Variants in MAST4 observed in about 807,000 individuals in gnomAD.
MAST4 encodes microtubule associated serine/threonine kinase family member 4.
MAST4 carries 89 observed loss-of-function variants against 162.7 expected under a neutral mutation model. The ratio of observed to expected loss-of-function variants is 0.55; its 90% CI spans 0.46 to 0.65. The LOEUF is 0.65. Among genes scored for constraint, MAST4 ranks in the 30% least tolerant of loss-of-function variants. MAST4 has a pLI of 0.00. For missense variants in MAST4, 3,153 were observed against 3,374.0 expected (o/e 0.93, Z 1.62); for synonymous variants, 1,479 against 1,361.1 (o/e 1.09, Z -1.91).
intron 3 of MAST4, among the ~76,000 whole-genome samples, chr5:66,841,739 A>G (rs182203616): frequency 8.7e-4 from 132 of 152,256 alleles, no homozygotes; most frequent in Non-Finnish European, 1.4e-3. Context: ...TCAACATATG[A>G]ACTTTGGGGA....
chr5:66,877,235 G>C lies in MAST4; in HGVS notation c.643-22716G>C, dbSNP rs191011025. On this transcript the variant is annotated intron_variant, in intron 3 of 28. Transcript: ENST00000403625. ...AAGGGAGGCTTAAATGCTTGAGTGA[G>C]AAGTGGATGCAGCCACCTGTAAGGT... 5.3e-5 allele frequency among the ~76,000 whole-genome samples: 8 copies of C among 152,304 alleles called. No individual in the cohort carries two copies. In the East Asian group the frequency reaches 1.5e-3, roughly 29 times the overall value.
chr5:66,703,379 G>A (rs1366374358), intron 1 of MAST4, among the ~76,000 whole-genome samples: 1 of 152,128 alleles, frequency 6.6e-6, no homozygotes, highest in African/African-American at 2.4e-5. Flanking sequence ...ATGTATGCAT[G>A]GATGATCATT....
At chr5:66,655,083 C>T (rs1216170034) in intron 1 of MAST4, among the ~76,000 whole-genome samples, 2 of 152,148 alleles carry the variant, frequency 1.3e-5, no homozygotes, top group Non-Finnish European at 2.9e-5. Flanking sequence ...GTTTTACCTT[C>T]ACCACAGCAG....
chr5:66,638,259 TC>T (rs926583188), intron 1 of MAST4, among the ~76,000 whole-genome samples: 3 of 152,092 alleles, frequency 2.0e-5, no homozygotes, highest in African/African-American at 7.2e-5. Context: ...GTGGGAGTGA[TC>T]CCTGCTGTGT....
At chr5:66,928,490 A>G (rs1457064150) in intron 4 of MAST4, among the ~76,000 whole-genome samples, 1 of 152,218 alleles carries the variant, frequency 6.6e-6, no homozygotes, top group Admixed American at 6.5e-5. Flanking sequence ...GCTTTCCTCC[A>G]CAGCTCATTA....
At chr5:66,627,305 C>T (rs1744501326) in intron 1 of MAST4, among the ~76,000 whole-genome samples, 2 of 152,184 alleles carry the variant, frequency 1.3e-5, no homozygotes, top group Non-Finnish European at 1.5e-5. Flanking sequence ...AGTTACCTCC[C>T]ACCAGGTCCT....
intron 5 of MAST4, among the ~76,000 whole-genome samples, chr5:67,088,492 A>C (rs1313933494): frequency 2.0e-5 from 3 of 152,248 alleles, no homozygotes; most frequent in Non-Finnish European, 4.4e-5. Context: ...TTTAGGAAAC[A>C]AAATTTTTAG....
chr5:66,823,795 G>A (rs959978976), intron 3 of MAST4, among the ~76,000 whole-genome samples: 5 of 152,140 alleles, frequency 3.3e-5, no homozygotes, highest in South Asian at 2.1e-4. Context: ...GTGCCCGGCC[G>A]GCCATTGTTA....
At chr5:66,961,831 T>C (rs1202970386) in intron 4 of MAST4, among the ~76,000 whole-genome samples, 1 of 152,202 alleles carries the variant, frequency 6.6e-6, no homozygotes, top group Non-Finnish European at 1.5e-5. Context: ...AGCTTTCCAA[T>C]GAGCTGCTAA....
At chr5:66,649,904 TG>T (rs1433488406) in intron 1 of MAST4, among the ~76,000 whole-genome samples, 1 of 152,132 alleles carries the variant, frequency 6.6e-6, no homozygotes, top group African/African-American at 2.4e-5. Context: ...CACTGCTATT[TG>T]GGGCATGACA....
At chr5:66,987,009 T>C (rs1036608212) in intron 4 of MAST4, among the ~76,000 whole-genome samples, 1 of 152,226 alleles carries the variant, frequency 6.6e-6, no homozygotes, top group East Asian at 1.9e-4. Flanking sequence ...ATAAACTTAC[T>C]AGATTCTTCA....
At chr5:67,099,775 T>C (rs932286770) in intron 7 of MAST4, among the ~76,000 whole-genome samples, 4 of 152,006 alleles carry the variant, frequency 2.6e-5, no homozygotes, top group Non-Finnish European at 5.9e-5. Context: ...AAAGCAAATC[T>C]ACAGGCATGG....
chr5:66,898,273 C>T (rs1426110077), intron 3 of MAST4, among the ~76,000 whole-genome samples: 1 of 152,036 alleles, frequency 6.6e-6, no homozygotes, highest in Non-Finnish European at 1.5e-5. Flanking sequence ...TGTAGTGAGA[C>T]CTCATCCTAA....
At chr5:66,946,526 G>A (rs774355336) in intron 4 of MAST4, among the ~76,000 whole-genome samples, 47 of 152,128 alleles carry the variant, frequency 3.1e-4, no homozygotes, top group South Asian at 1.2e-3. Flanking sequence ...TCAAAGGAAT[G>A]ATACAGGCAT....
chr5:66,899,294 A>G (rs963027153), intron 3 of MAST4, among the ~76,000 whole-genome samples: 8 of 152,160 alleles, frequency 5.3e-5, no homozygotes, highest in African/African-American at 1.9e-4. Context: ...GAATCTTAAA[A>G]TTGAGATAAG....
At chr5:66,704,080 A>C (rs1749958571) in intron 1 of MAST4, among the ~76,000 whole-genome samples, 2 of 152,208 alleles carry the variant, frequency 1.3e-5, no homozygotes, top group South Asian at 4.1e-4. Flanking sequence ...AGTATGTTCC[A>C]GAGTTTTATG....
At chr5:66,619,143 T>G (rs2149404636) in intron 1 of MAST4, among the ~76,000 whole-genome samples, 1 of 152,316 alleles carries the variant, frequency 6.6e-6, no homozygotes. Context: ...AATAGAAGAA[T>G]GGCCATTGTG....
At chr5:67,153,766 A>G (rs1208574149) in intron 26 of MAST4, among the ~76,000 whole-genome samples, 186 bp downstream of exon 26, 1 of 152,218 alleles carries the variant, frequency 6.6e-6, no homozygotes, top group Non-Finnish European at 1.5e-5. Context: ...ATGTCCTTAT[A>G]TCTGCATACT....
chr5:66,706,567 CAAGA>C (rs1216677653), intron 1 of MAST4, among the ~76,000 whole-genome samples: 2 of 151,792 alleles, frequency 1.3e-5, no homozygotes, highest in African/African-American at 2.4e-5. Context: ...TAGAATTTTC[CAAGA>C]AAGTGTGTGT....
Sources: allele counts gnomAD v4.1 joint callset (sites outside exome capture counted in the v4.1 genomes callset), GRCh38; gene constraint gnomAD v4.1.1; transcripts MANE v1.5; gene names NCBI Gene and HGNC (gene_info 2026-07-23, HGNC 2026-07-21).